Variants in CNTNAP5 observed in about 807,000 individuals in gnomAD.
The protein encoded by CNTNAP5 is contactin-associated protein-like 5.
Under a neutral mutation model 150.2 loss-of-function variants are expected in CNTNAP5, and 72 were observed. That is an observed-to-expected ratio of 0.48 (90% CI 0.40 to 0.58). CNTNAP5 has a LOEUF of 0.58. CNTNAP5 is among the 20% of genes least tolerant of loss of function. The probability of loss-of-function intolerance (pLI) is 0.00; values close to 1 mark genes in which losing one functional copy is unlikely to be tolerated. For synonymous variants in CNTNAP5, 672 were observed against 619.8 expected, an observed-to-expected ratio of 1.08 and a Z score of -1.25; for missense variants, 1,636 against 1,626.2, an observed-to-expected ratio of 1.01 and a Z score of -0.10.
At chr2:124,298,035 G>A (rs1478362918) in intron 3 of CNTNAP5, among the ~76,000 whole-genome samples, 1 of 151,840 alleles carries the variant, frequency 6.6e-6, no homozygotes, top group Non-Finnish European at 1.5e-5. Flanking sequence ...AGTAGAGATG[G>A]GGTTTTACCA....
At chr2:124,408,852 G>A (rs920541214) in intron 3 of CNTNAP5, among the ~76,000 whole-genome samples, 11 of 152,190 alleles carry the variant, frequency 7.2e-5, no homozygotes, top group Non-Finnish European at 1.3e-4. Flanking sequence ...AAGGAATGCA[G>A]TTCCTCACCA....
intron 14 of CNTNAP5, among the ~76,000 whole-genome samples, chr2:124,753,360 G>T (rs1187892869): frequency 6.6e-6 from 1 of 152,186 alleles, no homozygotes; most frequent in African/African-American, 2.4e-5. Flanking sequence ...ATTCATGAAT[G>T]AATGATGGAT....
At position 124,119,458 on chromosome 2, in the gene CNTNAP5, T is replaced by TG. The variant is rs538327263; in HGVS notation, c.82+93729dup. On this transcript the variant is annotated intron_variant, in intron 1 of 23. Transcript: ENST00000682447. ...GTATGTACTGGATATTTTAATAGAA[T>TG]GGGTAAATCTTGTTCTCACCAGTAA... 1.6e-4 allele frequency among the ~76,000 whole-genome samples: 24 copies of TG among 152,072 alleles called. 1 individual carries two copies. The East Asian group carries it at 4.7e-3, about 30-fold the overall frequency.
chr2:124,047,952 C>T (rs1394742853), intron 1 of CNTNAP5, among the ~76,000 whole-genome samples: 1 of 152,178 alleles, frequency 6.6e-6, no homozygotes, highest in Non-Finnish European at 1.5e-5. Flanking sequence ...TGCACATGTG[C>T]ATACACACAC....
chr2:124,186,897 G>A (rs1685346319), intron 1 of CNTNAP5, among the ~76,000 whole-genome samples: 1 of 152,214 alleles, frequency 6.6e-6, no homozygotes, highest in South Asian at 2.1e-4. Flanking sequence ...TGCAAACTCA[G>A]TGTGTTGAGT....
chr2:124,659,452 A>G (rs1558724051), intron 13 of CNTNAP5, among the ~76,000 whole-genome samples: 1 of 152,214 alleles, frequency 6.6e-6, no homozygotes, highest in Admixed American at 6.5e-5. Context: ...AATAAACACA[A>G]CATAATTCCC....
At chr2:124,834,979 T>C (rs1331132774) in intron 19 of CNTNAP5, among the ~76,000 whole-genome samples, 2 of 151,568 alleles carry the variant, frequency 1.3e-5, no homozygotes, top group Non-Finnish European at 1.5e-5. Context: ...ATCTATAAAA[T>C]ATAAATAATA....
chr2:124,127,569 C>T (rs1277176121), intron 1 of CNTNAP5, among the ~76,000 whole-genome samples: 1 of 152,086 alleles, frequency 6.6e-6, no homozygotes, highest in Non-Finnish European at 1.5e-5. Context: ...CTTTAAAGTT[C>T]ATATGGAACC....
chr2:124,603,450 T>C (rs1697031030), intron 11 of CNTNAP5, among the ~76,000 whole-genome samples: 1 of 152,234 alleles, frequency 6.6e-6, no homozygotes, highest in African/African-American at 2.4e-5. Flanking sequence ...TTGAATCCAC[T>C]GACTAAAATA....
intron 13 of CNTNAP5, among the ~76,000 whole-genome samples, chr2:124,713,363 CT>C (rs1406215785): frequency 8.2e-6 from 1 of 121,828 alleles, no homozygotes; most frequent in South Asian, 2.7e-4. Context: ...TTCTTTCTTT[CT>C]TTCTTTCTTT....
intron 3 of CNTNAP5, among the ~76,000 whole-genome samples, chr2:124,292,815 A>G (rs979175919): frequency 1.3e-5 from 2 of 152,132 alleles, no homozygotes; most frequent in Non-Finnish European, 2.9e-5. Context: ...ATCTAAAGAC[A>G]GAATAAATAA....
At chr2:124,702,059 T>C (rs1355511276) in intron 13 of CNTNAP5, among the ~76,000 whole-genome samples, 1 of 152,078 alleles carries the variant, frequency 6.6e-6, no homozygotes, top group African/African-American at 2.4e-5. Flanking sequence ...TCTATTTTTA[T>C]TTTCCTTCAA....
At chr2:124,599,473 A>G (rs1307562011) in intron 11 of CNTNAP5, among the ~76,000 whole-genome samples, 1 of 152,120 alleles carries the variant, frequency 6.6e-6, no homozygotes, top group Non-Finnish European at 1.5e-5. Flanking sequence ...CTGACACTAT[A>G]TTTAAAATTT....
intron 11 of CNTNAP5, among the ~76,000 whole-genome samples, chr2:124,568,321 G>A (rs1324000958): frequency 6.6e-6 from 1 of 152,178 alleles, no homozygotes; most frequent in African/African-American, 2.4e-5. Context: ...GTAGACAAAA[G>A]GAAAAGGGAG....
At chr2:124,656,001 A>C in intron 13 of CNTNAP5, among the ~76,000 whole-genome samples, 1 of 148,906 alleles carries the variant, frequency 6.7e-6, no homozygotes, top group South Asian at 2.2e-4. Context: ...GAAAGAAAAA[A>C]GGAAGGAAGG....
At chr2:124,176,612 A>G (rs1249438144) in intron 1 of CNTNAP5, among the ~76,000 whole-genome samples, 1 of 152,142 alleles carries the variant, frequency 6.6e-6, no homozygotes, top group Non-Finnish European at 1.5e-5. Flanking sequence ...TTTTGTGCTT[A>G]GGTTCAGTGA....
At chr2:124,878,737 C>T (rs1401433776) in intron 21 of CNTNAP5, among the ~76,000 whole-genome samples, 1 of 150,984 alleles carries the variant, frequency 6.6e-6, no homozygotes, top group Non-Finnish European at 1.5e-5. Flanking sequence ...CACTCTGTCA[C>T]CCAGGTGCAA....
chr2:124,193,767 C>T (rs529639808), intron 1 of CNTNAP5, among the ~76,000 whole-genome samples: 1 of 152,142 alleles, frequency 6.6e-6, no homozygotes, highest in Non-Finnish European at 1.5e-5. Flanking sequence ...TAAGCTAACT[C>T]CTGTTAAATC....
chr2:124,355,693 A>C (rs1215647430), intron 3 of CNTNAP5, among the ~76,000 whole-genome samples: 1 of 152,196 alleles, frequency 6.6e-6, no homozygotes, highest in Non-Finnish European at 1.5e-5. Flanking sequence ...AGCAGGCAAA[A>C]AGCCTGCAAC....
Sources: allele counts gnomAD v4.1 joint callset (sites outside exome capture counted in the v4.1 genomes callset), GRCh38; gene constraint gnomAD v4.1.1; transcripts MANE v1.5; gene names NCBI Gene and HGNC (gene_info 2026-07-23, HGNC 2026-07-21).